CHD9: variants seen among roughly 807,000 people sequenced by gnomAD.
CHD9 encodes chromodomain helicase DNA binding protein 9, also known as ATP-dependent chromatin remodeler CHD9.
In CHD9, 77 loss-of-function variants were observed where a neutral mutation model predicts 316.1. The observed-to-expected ratio is 0.24, with a 90% CI of 0.20 to 0.29. CHD9 has a LOEUF of 0.29. CHD9 is among the 10% of genes least tolerant of loss of function. The pLI, the probability that CHD9 is intolerant of heterozygous loss-of-function variation, is 1.00. For synonymous variants in CHD9, 1,129 were observed against 1,158.3 expected (o/e 0.97, Z 0.51); for missense variants, 2,763 against 3,438.1 (o/e 0.80, Z 4.91).
intron 36 of CHD9, among the ~76,000 whole-genome samples, chr16:53,315,991 T>C (rs1051662398): frequency 6.6e-5 from 10 of 152,150 alleles, no homozygotes; most frequent in African/African-American, 2.4e-4. Context: ...CCCGTAATCC[T>C]AGCACTTTGG....
chr16:53,113,248 C>A (rs965436121), intron 1 of CHD9, among the ~76,000 whole-genome samples: 2 of 151,780 alleles, frequency 1.3e-5, no homozygotes, highest in South Asian at 2.1e-4. Flanking sequence ...TCTTATTTCA[C>A]AGACAAGAAA....
rs60076527 is a variant in CHD9, at chr16:53,200,370, C to CAA, written c.1453-9093_1453-9092dup. ...TGGGCAACAGAGCAATACTCTGTCT[C>CAA]AAAAAAAAAAAAAAAAAAAACCACA... is the stretch of plus-strand genomic sequence containing the variant. On this transcript the variant is annotated intron_variant, in intron 2 of 38. Transcript: ENST00000447540. Among the ~76,000 whole-genome samples, 626 of 88,166 alleles carry CAA rather than the reference C, an allele frequency of 7.1e-3. 2 individuals carry two copies. Among genetic ancestry groups the CAA allele is most frequent in the Middle Eastern group, 0.016 (3 of 184 alleles). The allele number at this position is 88,166 out of a possible 152,430, so 57.8% of individuals were successfully genotyped here.
At chr16:53,243,131 A>G (rs574416756) in intron 13 of CHD9, 115 bp downstream of exon 13, 1 of 645,772 alleles carries the variant, frequency 1.5e-6, no homozygotes, top group Non-Finnish European at 2.5e-6. Context: ...GTACATCTGA[A>G]TCTTATCTGT....
chr16:53,247,543 A>G (rs780992870), intron 16 of CHD9, 40 bp downstream of exon 16: 3 of 1,365,008 alleles, frequency 2.2e-6, no homozygotes, highest in Non-Finnish European at 3.1e-6. Flanking sequence ...TGCTAAGTAT[A>G]TGCTATTAAG....
intron 1 of CHD9, among the ~76,000 whole-genome samples, chr16:53,139,934 C>CA (rs926139306): frequency 3.9e-4 from 59 of 150,588 alleles, no homozygotes; most frequent in African/African-American, 1.4e-3. Flanking sequence ...CCTGGCTCTA[C>CA]AAAAAAATAC....
chr16:53,245,993 A>G lies in CHD9; in HGVS notation c.3454+143A>G. On this transcript the variant is annotated intron_variant, in intron 15 of 38. Coordinates refer to ENST00000447540, the MANE Select transcript of CHD9 (RefSeq NM_001308319.2). The surrounding 1 kb of genome is among the most constrained non-coding windows in gnomAD (Gnocchi z 4.1). ...GGAATTACAAGTGTTACAGAATCAG[A>G]GGCAATGTGAACTGCTTTGTTACAG... The G allele has an allele frequency of 1.7e-6, 1 of 576,068 alleles. No individual in the cohort carries two copies. Among genetic ancestry groups the G allele is most frequent in the Non-Finnish European group, 2.7e-6 (1 of 366,862 alleles). 35.7% of individuals were successfully genotyped at this position (576,068 alleles called of 1,614,324 possible).
intron 38 of CHD9, among the ~76,000 whole-genome samples, chr16:53,323,779 T>C (rs2057414058): frequency 6.6e-6 from 1 of 152,174 alleles, no homozygotes; most frequent in Non-Finnish European, 1.5e-5. Context: ...TTTTACAGTA[T>C]GGAGGAAGGC....
At chr16:53,114,956 A>G (rs2038176379) in intron 1 of CHD9, among the ~76,000 whole-genome samples, 2 of 151,132 alleles carry the variant, frequency 1.3e-5, no homozygotes, top group Admixed American at 1.3e-4. Flanking sequence ...ATTGCCTCTT[A>G]CTTCTACAGC....
Position 53,112,351 on chromosome 16 carries a change from A to G in CHD9, c.-164-43575A>G, listed in dbSNP as rs568903969. On this transcript the variant is annotated intron_variant, in intron 1 of 38. Coordinates refer to ENST00000447540, the MANE Select transcript of CHD9 (RefSeq NM_001308319.2). ...TGAAAGAACTTGAGATCTAGGGGTG[A>G]AAACAGACTTTGGGGAAGAAATAAG... is the stretch of plus-strand genomic sequence containing the variant. Among the ~76,000 whole-genome samples, 5 of 152,350 alleles carry G rather than the reference A, an allele frequency of 3.3e-5. 1 individual carries two copies. Among genetic ancestry groups the G allele is most frequent in the African/African-American group, 1.2e-4 (5 of 41,590 alleles).
chr16:53,248,734 C>G (rs2049887381), intron 16 of CHD9, among the ~76,000 whole-genome samples: 1 of 151,722 alleles, frequency 6.6e-6, no homozygotes, highest in Non-Finnish European at 1.5e-5. Context: ...GTTGCCCAAG[C>G]CGATCTCAAA....
intron 1 of CHD9, among the ~76,000 whole-genome samples, chr16:53,057,956 C>T (rs1158231721): frequency 6.6e-6 from 1 of 152,098 alleles, no homozygotes; most frequent in Non-Finnish European, 1.5e-5. Context: ...GACGTGCTGT[C>T]TAGTGTTCCT....
chr16:53,161,595 G>A (rs957580666), intron 2 of CHD9, among the ~76,000 whole-genome samples: 1 of 152,036 alleles, frequency 6.6e-6, no homozygotes, highest in African/African-American at 2.4e-5. Context: ...TAATTTTTTA[G>A]TTTATGAAAA....
chr16:53,242,641 A>G (rs1297619808), intron 12 of CHD9, among the ~76,000 whole-genome samples, 199 bp from the exon 13 acceptor site: 5 of 152,198 alleles, frequency 3.3e-5, no homozygotes, highest in Non-Finnish European at 5.9e-5. Context: ...TTATGTTGGC[A>G]TAATGTTTAA....
At chr16:53,170,778 C>G (rs1325056213) in intron 2 of CHD9, among the ~76,000 whole-genome samples, 1 of 151,952 alleles carries the variant, frequency 6.6e-6, no homozygotes, top group Non-Finnish European at 1.5e-5. Context: ...AGGTTGGACA[C>G]AAATTTTTGA....
At chr16:53,088,341 G>A (rs1027498564) in intron 1 of CHD9, among the ~76,000 whole-genome samples, 1 of 146,248 alleles carries the variant, frequency 6.8e-6, no homozygotes, top group Non-Finnish European at 1.5e-5. Flanking sequence ...GCAGTGGCGC[G>A]ATCTCAGCTC....
intron 2 of CHD9, among the ~76,000 whole-genome samples, chr16:53,171,875 C>G (rs976185512): frequency 1.3e-5 from 1 of 78,616 alleles, no homozygotes. Context: ...CACACACACA[C>G]ACACACACAC....
chr16:53,281,322 C>T (rs1244128147), intron 24 of CHD9, among the ~76,000 whole-genome samples: 1 of 152,162 alleles, frequency 6.6e-6, no homozygotes, highest in Non-Finnish European at 1.5e-5. Flanking sequence ...AGTAAATATA[C>T]AACCCATTGC....
intron 1 of CHD9, among the ~76,000 whole-genome samples, chr16:53,056,750 C>T (rs2032174786): frequency 6.6e-6 from 1 of 152,188 alleles, no homozygotes; most frequent in South Asian, 2.1e-4. Context: ...TGAGAGCCTA[C>T]TGTGGGCCAG....
chr16:53,124,880 A>AGCTACAATTCGAGTTTTGGGTGGG (rs1467296858), intron 1 of CHD9, among the ~76,000 whole-genome samples: 3 of 152,318 alleles, frequency 2.0e-5, no homozygotes, highest in African/African-American at 7.2e-5. Context: ...GAATTATGGG[A>AGCTACAATTCGAGTTTTGGGTGGG]GCTACAATTC....
Sources: allele counts gnomAD v4.1 joint callset (sites outside exome capture counted in the v4.1 genomes callset), GRCh38; gene constraint gnomAD v4.1.1; non-coding constraint Gnocchi (gnomAD v3.1); transcripts MANE v1.5; gene names NCBI Gene and HGNC (gene_info 2026-07-23, HGNC 2026-07-21).